The following FYB1 variants were observed in gnomAD, a reference collection of about 807,000 sequenced individuals.
The protein encoded by FYB1 is FYN binding protein 1, also known as FYN-binding protein 1.
In FYB1, 41 loss-of-function variants were observed where a neutral mutation model predicts 94.1. That is an observed-to-expected ratio of 0.44 (90% confidence interval 0.34 to 0.57). The LOEUF (loss-of-function observed/expected upper bound fraction) is 0.57, where lower values mean the gene tolerates loss of function less well. FYB1 is among the 20% of genes least tolerant of loss of function. FYB1 has a pLI of 0.02. For synonymous variants in FYB1, 367 were observed against 353.2 expected (o/e 1.04, Z -0.44); for missense variants, 1,050 against 976.8 (o/e 1.07, Z -1.00).
chr5:39,268,753 C>T (rs765276996), intron 1 of FYB1, among the ~76,000 whole-genome samples: 18 of 151,800 alleles, frequency 1.2e-4, no homozygotes, highest in Admixed American at 9.9e-4. Context: ...TTAGTAGAGA[C>T]GGGGTTTCAT....
intron 2 of FYB1, among the ~76,000 whole-genome samples, chr5:39,198,068 T>C (rs1294897203): frequency 6.6e-6 from 1 of 152,214 alleles, no homozygotes. Flanking sequence ...ATAAAAGTAA[T>C]AAAATTATAG....
chr5:39,251,985 T>C (rs1167805823), intron 1 of FYB1, among the ~76,000 whole-genome samples: 2 of 151,690 alleles, frequency 1.3e-5, no homozygotes, highest in Non-Finnish European at 2.9e-5. Flanking sequence ...TCTACTAAAA[T>C]ATAAAAAAAT....
intron 1 of FYB1, among the ~76,000 whole-genome samples, chr5:39,230,393 G>A (rs1750668545): frequency 6.6e-6 from 1 of 152,070 alleles, no homozygotes; most frequent in Non-Finnish European, 1.5e-5. Context: ...TGGAGCCTCC[G>A]CCAGAACCTC....
intron 1 of FYB1, among the ~76,000 whole-genome samples, chr5:39,204,850 T>C (rs917187749): frequency 9.2e-5 from 14 of 152,214 alleles, no homozygotes; most frequent in African/African-American, 3.4e-4. Context: ...TTGAATTTTG[T>C]AACTTTAATT....
intron 4 of FYB1, chr5:39,139,871 A>C (rs952124958): frequency 6.6e-6 from 1 of 152,190 alleles, no homozygotes; most frequent in Non-Finnish European, 1.5e-5. Flanking sequence ...ATACACATAC[A>C]CACACATAGA....
intron 1 of FYB1, among the ~76,000 whole-genome samples, chr5:39,206,967 T>A (rs775929730): frequency 7.2e-5 from 11 of 152,220 alleles, no homozygotes; most frequent in Non-Finnish European, 1.6e-4. Flanking sequence ...TTGGTACCTA[T>A]GTCAATTCCA....
chr5:39,245,797 G>A (rs1205496139), intron 1 of FYB1, among the ~76,000 whole-genome samples: 1 of 151,984 alleles, frequency 6.6e-6, no homozygotes, highest in Non-Finnish European at 1.5e-5. Context: ...CGCGGGTTTC[G>A]CCATGTCGGC....
intron 14 of FYB1, among the ~76,000 whole-genome samples, chr5:39,119,895 C>T (rs1739927614): frequency 6.6e-6 from 1 of 151,950 alleles, no homozygotes; most frequent in Admixed American, 6.6e-5. Context: ...TATAAAATCA[C>T]TGAGTCATGG....
At chr5:39,199,257 A>G (rs1748105998) in intron 2 of FYB1, among the ~76,000 whole-genome samples, 1 of 152,154 alleles carries the variant, frequency 6.6e-6, no homozygotes, top group South Asian at 2.1e-4. Context: ...AAATGAACAT[A>G]TACTTTCTAA....
At chr5:39,118,485 G>A (rs1399767434) in intron 16 of FYB1, among the ~76,000 whole-genome samples, 1 of 152,074 alleles carries the variant, frequency 6.6e-6, no homozygotes, top group Non-Finnish European at 1.5e-5. Flanking sequence ...ACAAGCTAGG[G>A]AAAAAGTTAT....
chr5:39,149,501 A>T (rs573621072), intron 3 of FYB1, among the ~76,000 whole-genome samples: 3 of 152,104 alleles, frequency 2.0e-5, no homozygotes, highest in African/African-American at 7.2e-5. Flanking sequence ...TGTTATTTCC[A>T]TCTTTAAAAA....
Position 39,232,538 on chromosome 5 carries a change from TA to T in FYB1, c.-27-29552del, listed in dbSNP as rs1287634121. ...TAAACATTTATTTTATTTATTTATT[TA>T]TTTATTTATTTTTTATTTATTTTTT... is the stretch of plus-strand genomic sequence containing the variant. On this transcript the variant is annotated intron_variant, in intron 1 of 1. Transcript: ENST00000510188. Among the ~76,000 whole-genome samples, 116 of 151,658 alleles carry T rather than the reference TA, an allele frequency of 7.6e-4. 3 individuals carry two copies. Among genetic ancestry groups the T allele is most frequent in the African/African-American group, 2.6e-3 (107 of 41,214 alleles).
In FYB1 at chr5:39,165,345, A is replaced by G. The variant is rs181031085; in HGVS notation, c.1136-11741T>C. Among the ~76,000 whole-genome samples, 415 of 152,308 alleles carry G rather than the reference A, an allele frequency of 2.7e-3. 1 individual carries two copies. Among genetic ancestry groups the G allele is most frequent in the African/African-American group, 9.7e-3 (401 of 41,552 alleles). ...CCCAGAAAGAAAGCCACATACCCAC[A>G]GCCAACTGATCTTTGACAAAGTCGA... On this transcript the variant is annotated intron_variant, in intron 2 of 18. Transcript: ENST00000512982.
intron 2 of FYB1, among the ~76,000 whole-genome samples, chr5:39,182,460 T>C (rs1405730983): frequency 6.6e-6 from 1 of 152,134 alleles, no homozygotes; most frequent in Non-Finnish European, 1.5e-5. Context: ...TATTTAGACC[T>C]GAGGTCTACC....
rs113482712 is a variant in FYB1, at chr5:39,114,410, G to A, written c.2402-4021C>T. Among the ~76,000 whole-genome samples the A allele has an allele frequency of 6.0e-3, 910 of 152,306 alleles. 5 individuals carry two copies. The highest frequency in any genetic ancestry group is 0.01 in the Non-Finnish European group (698 of 68,032). ...GATAATGCCTGTAAAAGTGGCTGAT[G>A]TCCCACTGCGTAATGGTAAGGGATT... is the stretch of plus-strand genomic sequence containing the variant. On this transcript the variant is annotated intron_variant, in intron 16 of 18. Coordinates refer to ENST00000512982, the MANE Select transcript of FYB1 (RefSeq NM_001465.6).
chr5:39,126,219 C>A, intron 11 of FYB1, 84 bp from the exon 12 acceptor site: 1 of 1,391,608 alleles, frequency 7.2e-7, no homozygotes, highest in South Asian at 1.4e-5. Context: ...TCTTTATAAT[C>A]ATTAATCATT....
intron 1 of FYB1, among the ~76,000 whole-genome samples, chr5:39,274,010 C>T (rs768326310): frequency 1.3e-5 from 2 of 151,968 alleles, no homozygotes; most frequent in Admixed American, 1.3e-4. Flanking sequence ...CTGCAACCTC[C>T]GCCTCCCAGG....
At chr5:39,164,992 G>A (rs570947696) in intron 2 of FYB1, among the ~76,000 whole-genome samples, 62 of 152,264 alleles carry the variant, frequency 4.1e-4, no homozygotes, top group African/African-American at 1.3e-3. Context: ...TGACTCAAAG[G>A]GAGATAAAGT....
chr5:39,183,293 C>T (rs1409746754), intron 2 of FYB1, among the ~76,000 whole-genome samples: 1 of 152,022 alleles, frequency 6.6e-6, no homozygotes, highest in Non-Finnish European at 1.5e-5. Flanking sequence ...GCCTTGTTTC[C>T]TTTTTTTAAG....
Sources: gnomAD v4.1 joint callset for allele counts (sites outside exome capture counted in the v4.1 genomes callset) on GRCh38, gnomAD v4.1.1 for gene constraint, MANE v1.5 for transcripts, NCBI Gene and HGNC (gene_info 2026-07-23, HGNC 2026-07-21) for gene names.